Variants in MGST1 observed in about 807,000 individuals in gnomAD.
MGST1 encodes glutathione S-transferase 12.
In MGST1, 5 loss-of-function variants were observed where a neutral mutation model predicts 8.9. The ratio of observed to expected loss-of-function variants is 0.56; its 90% confidence interval spans 0.29 to 1.19. The LOEUF (loss-of-function observed/expected upper bound fraction) is 1.19, where lower values mean the gene tolerates loss of function less well. Among genes scored for constraint, MGST1 ranks in the 50% most tolerant of loss-of-function variants. The pLI, the probability that MGST1 is intolerant of heterozygous loss-of-function variation, is 0.08. For missense variants in MGST1, 182 were observed against 187.4 expected, an observed-to-expected ratio of 0.97 and a Z score of 0.17; for synonymous variants, 54 against 67.8, an observed-to-expected ratio of 0.80 and a Z score of 1.00.
intron 4 of MGST1, among the ~76,000 whole-genome samples, chr12:16,462,565 T>C (rs1941228849): frequency 6.8e-6 from 1 of 147,596 alleles, no homozygotes; most frequent in African/African-American, 2.5e-5. Context: ...CAAAAAAAAC[T>C]AGGAAAAACC....
intron 4 of MGST1, among the ~76,000 whole-genome samples, chr12:16,539,821 C>T (rs933531621): frequency 6.6e-6 from 1 of 152,182 alleles, no homozygotes; most frequent in Admixed American, 6.5e-5. Context: ...AATCAAAGTA[C>T]ACACATACAT....
chr12:16,527,603 G>A (rs1034912372), intron 4 of MGST1, among the ~76,000 whole-genome samples: 1 of 151,850 alleles, frequency 6.6e-6, no homozygotes, highest in Admixed American at 6.6e-5. Flanking sequence ...GGTATAAAAG[G>A]TATGTCTTAT....
rs1315990484 is a variant in MGST1, at chr12:16,389,347, G to T, written n.778+5743G>T. 2.6e-5 allele frequency among the ~76,000 whole-genome samples: 4 copies of T among 152,220 alleles called. No homozygotes were observed. The highest frequency in any genetic ancestry group is 9.6e-5 in the African/African-American group (4 of 41,456). ...ACAACTTGCCTAAAAATAATGTTGA[G>T]AATAGTGGTTAAGTGTCCTGTTTTG... On this transcript the variant is annotated intron_variant and non_coding_transcript_variant, in intron 1 of 1. Transcript: ENST00000359720. This position sits in a 1 kb window ranked among gnomAD's most constrained non-coding sequence, Gnocchi z 4.6.
At chr12:16,348,772 G>A (rs567208954) in intron 1 of MGST1, 1 of 148,046 alleles carries the variant, frequency 6.8e-6, no homozygotes, top group Admixed American at 6.8e-5. Flanking sequence ...CAAAATAAGA[G>A]GGCTATGTGT....
At chr12:16,437,424 C>G (rs1591727893) in exon 2 of MGST1, 1 of 151,890 alleles carries the variant, frequency 6.6e-6, no homozygotes. Context: ...CAACAGGGAG[C>G]CTCTGTGCCC....
intron 4 of MGST1, among the ~76,000 whole-genome samples, chr12:16,577,815 T>A (rs1481088859): frequency 1.3e-5 from 2 of 152,204 alleles, no homozygotes; most frequent in African/African-American, 4.8e-5. Flanking sequence ...GTTCTCTGGA[T>A]CAATTTAACA....
chr12:16,455,303 A>G (rs964740833), intron 4 of MGST1, among the ~76,000 whole-genome samples: 1 of 151,906 alleles, frequency 6.6e-6, no homozygotes, highest in Non-Finnish European at 1.5e-5. Flanking sequence ...TATGAGTACT[A>G]TTTTGATCTC....
intron 4 of MGST1, among the ~76,000 whole-genome samples, chr12:16,588,205 A>AC (rs1943380397): frequency 6.6e-6 from 1 of 151,988 alleles, no homozygotes; most frequent in African/African-American, 2.4e-5. Flanking sequence ...TTGTTTTCAT[A>AC]ATTTTTAAAA....
intron 1 of MGST1, among the ~76,000 whole-genome samples, chr12:16,422,214 G>A (rs941821119): frequency 6.6e-6 from 1 of 152,120 alleles, no homozygotes; most frequent in Non-Finnish European, 1.5e-5. Flanking sequence ...TCAGCCCTCT[G>A]ATCAACCAGC....
chr12:16,468,470 G>T (rs1941269389), intron 4 of MGST1, among the ~76,000 whole-genome samples: 1 of 152,094 alleles, frequency 6.6e-6, no homozygotes, highest in Non-Finnish European at 1.5e-5. Flanking sequence ...TTCCTATCAA[G>T]AAATGACACT....
At chr12:16,398,340 C>A (rs1188188228) in intron 1 of MGST1, among the ~76,000 whole-genome samples, 1 of 152,150 alleles carries the variant, frequency 6.6e-6, no homozygotes, top group Non-Finnish European at 1.5e-5. Flanking sequence ...GTGATAAATA[C>A]AGGACAATGC....
intron 4 of MGST1, among the ~76,000 whole-genome samples, chr12:16,471,518 A>G (rs1026510795): frequency 6.6e-6 from 1 of 152,214 alleles, no homozygotes; most frequent in African/African-American, 2.4e-5. Context: ...ACTAACACTC[A>G]GGTTTTTAAT....
At chr12:16,522,973 G>A (rs1013772830) in intron 4 of MGST1, among the ~76,000 whole-genome samples, 2 of 151,844 alleles carry the variant, frequency 1.3e-5, no homozygotes, top group African/African-American at 2.4e-5. Context: ...AAATTTTTAT[G>A]AGTGTAGTCA....
At chr12:16,487,247 G>A (rs1338257759) in intron 4 of MGST1, among the ~76,000 whole-genome samples, 2 of 152,010 alleles carry the variant, frequency 1.3e-5, no homozygotes, top group African/African-American at 4.8e-5. Context: ...TTCAATAAAA[G>A]AAATCCCATT....
At position 16,482,071 on chromosome 12, in the gene MGST1, G is replaced by A. The variant is rs1941367871; in HGVS notation, n.482+98467G>A. Among the ~76,000 whole-genome samples, 1 of 152,102 alleles carries A rather than the reference G, an allele frequency of 6.6e-6. No individual in the cohort carries two copies. Among genetic ancestry groups the A allele is most frequent in the Non-Finnish European group, 1.5e-5 (1 of 68,010 alleles). ...AAGGCATATAAAATAATAACATTGAGGTGCTGAAAATATAATAGTCAACAT... is the reference window on the plus strand; with the variant it reads ...AAGGCATATAAAATAATAACATTGAAGTGCTGAAAATATAATAGTCAACAT... On this transcript the variant is annotated intron_variant and non_coding_transcript_variant, in intron 4 of 4. Transcript: ENST00000538857. The surrounding 1 kb of genome is among the most constrained non-coding windows in gnomAD (Gnocchi z 4.2).
chr12:16,507,837 C>T (rs1941549613), intron 4 of MGST1, among the ~76,000 whole-genome samples: 1 of 152,078 alleles, frequency 6.6e-6, no homozygotes, highest in Admixed American at 6.5e-5. Flanking sequence ...CCTCCCCCAA[C>T]ATTAGGGATT....
At position 16,369,913 on chromosome 12, in the gene MGST1, G is replaced by A. The variant is rs1940263035; in HGVS notation, c.222-6209G>A. The A allele has an allele frequency of 6.6e-6, 1 of 152,184 alleles. No homozygotes were observed. The highest frequency in any genetic ancestry group is 2.4e-5 in the African/African-American group (1 of 41,428). 9.4% of individuals were successfully genotyped at this position (152,184 alleles called of 1,614,324 possible). On this transcript the variant is annotated intron_variant, in intron 3 of 3. Transcript: ENST00000535309. This position sits in a 1 kb window ranked among gnomAD's most constrained non-coding sequence, Gnocchi z 4.8. ...TCACAGGGCTGGCCTCAGAACTAAA[G>A]TGCTGGGAAATGGACTCAACCCCCT...
intron 2 of MGST1, among the ~76,000 whole-genome samples, chr12:16,354,945 T>C (rs1321681001): frequency 6.6e-6 from 1 of 151,782 alleles, no homozygotes; most frequent in East Asian, 1.9e-4. Context: ...TTTTTTTAAG[T>C]GCAGATGTGG....
At chr12:16,354,410 T>C in intron 2 of MGST1, 32 bp downstream of exon 2, 1 of 1,577,944 alleles carries the variant, frequency 6.3e-7, no homozygotes, top group South Asian at 1.2e-5. Context: ...TTTTCTTACT[T>C]TTAAGAGTTG....
Sources: gnomAD v4.1 joint callset for allele counts (sites outside exome capture counted in the v4.1 genomes callset) on GRCh38, gnomAD v4.1.1 for gene constraint, Gnocchi (gnomAD v3.1) non-coding constraint, MANE v1.5 for transcripts, NCBI Gene and HGNC (gene_info 2026-07-23, HGNC 2026-07-21) for gene names.